Variants in CSTPP1 observed in about 807,000 individuals in gnomAD.
The protein encoded by CSTPP1 is centriolar satellite-associated tubulin polyglutamylase complex regulator 1, also known as UPF0705 protein C11orf49.
the CSTPP1 span, among the ~76,000 whole-genome samples, chr11:46,994,177 G>A: frequency 2.6e-5 from 4 of 152,178 alleles, no homozygotes; most frequent in Admixed American, 2.0e-4. Flanking sequence ...GAGATTTTGG[G>A]CTGAGATGAT....
At chr11:46,976,715 T>G in the CSTPP1 span, among the ~76,000 whole-genome samples, 1 of 152,188 alleles carries the variant, frequency 6.6e-6, no homozygotes, top group Admixed American at 6.5e-5. Flanking sequence ...AAGGCCCTTA[T>G]TGTATGCAGT....
the CSTPP1 span, among the ~76,000 whole-genome samples, chr11:46,988,180 C>G: frequency 6.6e-6 from 1 of 152,130 alleles, no homozygotes; most frequent in Non-Finnish European, 1.5e-5. Context: ...AGGAATAGGG[C>G]TGCCATATGA....
chr11:46,964,185 G>C, the CSTPP1 span, among the ~76,000 whole-genome samples: 1 of 151,994 alleles, frequency 6.6e-6, no homozygotes. Flanking sequence ...TGATATGGCA[G>C]CTTTTTTCCC....
At chr11:47,075,189 T>C in the CSTPP1 span, among the ~76,000 whole-genome samples, 3 of 152,054 alleles carry the variant, frequency 2.0e-5, no homozygotes, top group African/African-American at 7.2e-5. Context: ...TTGGCCAACA[T>C]GGTGAAACCC....
chr11:47,002,531 C>T, the CSTPP1 span, among the ~76,000 whole-genome samples: 1 of 152,116 alleles, frequency 6.6e-6, no homozygotes, highest in African/African-American at 2.4e-5. Context: ...ATTTCACAGC[C>T]CACTGGTCCC....
At chr11:47,049,390 A>G in the CSTPP1 span, among the ~76,000 whole-genome samples, 6 of 152,026 alleles carry the variant, frequency 3.9e-5, no homozygotes, top group Non-Finnish European at 5.9e-5. Flanking sequence ...TAATCCCAAC[A>G]CTTTGGGAGG....
At chr11:47,163,480 G>T in the CSTPP1 span, among the ~76,000 whole-genome samples, 10 of 152,188 alleles carry the variant, frequency 6.6e-5, 1 homozygote, top group South Asian at 4.1e-4. Context: ...CCAGTGGTCT[G>T]TAACTACCGT....
chr11:47,020,251 C>G, the CSTPP1 span, among the ~76,000 whole-genome samples: 1 of 152,024 alleles, frequency 6.6e-6, no homozygotes, highest in Non-Finnish European at 1.5e-5. Context: ...GAAATAAAGT[C>G]TACATACTGG....
the CSTPP1 span, among the ~76,000 whole-genome samples, chr11:47,024,393 C>T: frequency 6.6e-6 from 1 of 150,446 alleles, no homozygotes; most frequent in Non-Finnish European, 1.5e-5. Context: ...TTTTTTTAAA[C>T]ATTCCTTACA....
At chr11:47,054,591 C>A in the CSTPP1 span, among the ~76,000 whole-genome samples, 1 of 151,986 alleles carries the variant, frequency 6.6e-6, no homozygotes, top group South Asian at 2.1e-4. Flanking sequence ...ATGTGAGCCA[C>A]CATGCCCCAT....
the CSTPP1 span, among the ~76,000 whole-genome samples, chr11:47,117,152 T>G: frequency 6.6e-6 from 1 of 152,344 alleles, no homozygotes; most frequent in South Asian, 2.1e-4. Flanking sequence ...TTAATATTTT[T>G]GTGTGTGAAT....
the CSTPP1 span, among the ~76,000 whole-genome samples, chr11:46,956,108 G>A: frequency 6.6e-6 from 1 of 152,108 alleles, no homozygotes; most frequent in East Asian, 1.9e-4. Flanking sequence ...AAGAGTTGTG[G>A]AGACACTCCA....
the CSTPP1 span, among the ~76,000 whole-genome samples, chr11:47,004,178 T>G: frequency 6.6e-6 from 1 of 151,640 alleles, no homozygotes; most frequent in South Asian, 2.1e-4. Flanking sequence ...TTTTGTTTTT[T>G]TGTTTTTGTT....
the CSTPP1 span, among the ~76,000 whole-genome samples, chr11:46,940,561 T>C: frequency 6.6e-6 from 1 of 152,148 alleles, no homozygotes; most frequent in Non-Finnish European, 1.5e-5. Flanking sequence ...ATAGTCTGAG[T>C]AGATTTAATA....
the CSTPP1 span, among the ~76,000 whole-genome samples, chr11:46,985,099 G>C: frequency 5.3e-5 from 8 of 152,140 alleles, no homozygotes; most frequent in Middle Eastern, 3.4e-3. Context: ...GGTGGGGTTG[G>C]GGGTGGGCAG....
the CSTPP1 span, among the ~76,000 whole-genome samples, chr11:46,960,012 A>C: frequency 1.3e-5 from 2 of 152,014 alleles, no homozygotes; most frequent in African/African-American, 4.8e-5. Flanking sequence ...GATTACAGGC[A>C]CATGCCACCA....
chr11:46,987,011 C>T, the CSTPP1 span, among the ~76,000 whole-genome samples: 1 of 152,222 alleles, frequency 6.6e-6, no homozygotes, highest in African/African-American at 2.4e-5. Flanking sequence ...TTCACATCAT[C>T]TCCCAATCTA....
the CSTPP1 span, among the ~76,000 whole-genome samples, chr11:46,938,480 T>C: frequency 1.3e-5 from 2 of 149,774 alleles, no homozygotes. Context: ...TCCATTATCA[T>C]ACAGAATAGT....
chr11:47,142,770 G>A, the CSTPP1 span, among the ~76,000 whole-genome samples: 3 of 152,280 alleles, frequency 2.0e-5, no homozygotes, highest in South Asian at 6.2e-4. Flanking sequence ...TTTGAGTGTA[G>A]GTGGTAGAAT....
Sources: allele counts gnomAD v4.1 joint callset (sites outside exome capture counted in the v4.1 genomes callset), GRCh38; gene constraint gnomAD v4.1.1; transcripts MANE v1.5; gene names NCBI Gene and HGNC (gene_info 2026-07-23, HGNC 2026-07-21).